The following ARHGAP15 variants were observed in gnomAD, a reference collection of about 807,000 sequenced individuals.
ARHGAP15 encodes Rho GTPase activating protein 15, also known as rho GTPase-activating protein 15.
In ARHGAP15, 51 loss-of-function variants were observed where a neutral mutation model predicts 63.7. That is an observed-to-expected ratio of 0.80 (90% confidence interval 0.64 to 1.01). The LOEUF is 1.01. ARHGAP15 is among the 50% of genes least tolerant of loss of function. The pLI is 0.00. For missense variants in ARHGAP15, 560 were observed against 564.6 expected (o/e 0.99, Z 0.08); for synonymous variants, 191 against 193.8 (o/e 0.99, Z 0.12).
chr2:143,735,133 C>T (rs774897912), intron 13 of ARHGAP15, among the ~76,000 whole-genome samples: 10 of 152,134 alleles, frequency 6.6e-5, no homozygotes, highest in East Asian at 5.8e-4. Flanking sequence ...TTGTTTTAAA[C>T]GTAATTTCTT....
At chr2:143,504,898 AC>A (rs1369495816) in intron 9 of ARHGAP15, among the ~76,000 whole-genome samples, 1 of 152,082 alleles carries the variant, frequency 6.6e-6, no homozygotes, top group African/African-American at 2.4e-5. Flanking sequence ...TCTGGATCCC[AC>A]TGAATTTCTA....
chr2:143,326,694 G>A (rs1684266716), intron 6 of ARHGAP15, among the ~76,000 whole-genome samples: 2 of 152,008 alleles, frequency 1.3e-5, no homozygotes, highest in African/African-American at 4.8e-5. Context: ...TCTACCCTGT[G>A]ATATTTAAAT....
At chr2:143,699,059 G>T (rs761151212) in intron 12 of ARHGAP15, among the ~76,000 whole-genome samples, 9 of 152,210 alleles carry the variant, frequency 5.9e-5, no homozygotes, top group Non-Finnish European at 8.8e-5. Context: ...ATGAATCTTA[G>T]CTCATTAACC....
chr2:143,381,072 G>A (rs1046117198), intron 6 of ARHGAP15, among the ~76,000 whole-genome samples: 5 of 152,116 alleles, frequency 3.3e-5, no homozygotes, highest in Non-Finnish European at 7.4e-5. Flanking sequence ...ATATTGTTTA[G>A]AGTCATTTGC....
chr2:143,389,854 G>A (rs1574378065), intron 6 of ARHGAP15, among the ~76,000 whole-genome samples: 1 of 151,994 alleles, frequency 6.6e-6, no homozygotes, highest in East Asian at 1.9e-4. Flanking sequence ...GTGTGTTTGG[G>A]CAAGTTTCCT....
At chr2:143,369,197 C>G (rs931808996) in intron 6 of ARHGAP15, among the ~76,000 whole-genome samples, 1 of 152,072 alleles carries the variant, frequency 6.6e-6, no homozygotes, top group Non-Finnish European at 1.5e-5. Flanking sequence ...TAACTATGTT[C>G]ATAGTATATT....
At chr2:143,663,933 A>G (rs1681992104) in intron 12 of ARHGAP15, among the ~76,000 whole-genome samples, 1 of 152,154 alleles carries the variant, frequency 6.6e-6, no homozygotes. Context: ...TGACCTACAA[A>G]GAGATTTAGA....
intron 6 of ARHGAP15, among the ~76,000 whole-genome samples, chr2:143,252,996 GT>G (rs1243270805): frequency 1.3e-5 from 2 of 152,176 alleles, no homozygotes; most frequent in Admixed American, 1.3e-4. Flanking sequence ...GAATAATGAA[GT>G]GTTTCTTCCT....
intron 3 of ARHGAP15, among the ~76,000 whole-genome samples, chr2:143,213,964 C>T (rs1190140920): frequency 1.3e-5 from 2 of 152,164 alleles, no homozygotes; most frequent in Admixed American, 1.3e-4. Context: ...GGAAATGTTA[C>T]TTATGTATTC....
intron 8 of ARHGAP15, 56 bp from the exon 9 acceptor site, chr2:143,487,317 G>C: frequency 6.4e-7 from 1 of 1,565,878 alleles, no homozygotes; most frequent in Non-Finnish European, 8.6e-7. Flanking sequence ...TTTGCATAAA[G>C]TAATAATCAT....
chr2:143,240,992 C>T (rs1693840759), intron 5 of ARHGAP15, among the ~76,000 whole-genome samples: 1 of 152,090 alleles, frequency 6.6e-6, no homozygotes, highest in Non-Finnish European at 1.5e-5. Context: ...CAATAAACCT[C>T]ACCTTAGGCT....
At chr2:143,724,673 G>A in intron 13 of ARHGAP15, among the ~76,000 whole-genome samples, 1 of 152,274 alleles carries the variant, frequency 6.6e-6, no homozygotes, top group East Asian at 1.9e-4. Flanking sequence ...TAGGTTTTTA[G>A]AGGAATATTT....
intron 11 of ARHGAP15, among the ~76,000 whole-genome samples, chr2:143,561,049 C>T (rs1318273359): frequency 6.6e-6 from 1 of 152,204 alleles, no homozygotes; most frequent in Non-Finnish European, 1.5e-5. Flanking sequence ...CTGTGACCTC[C>T]TTACACTTTT....
chr2:143,371,805 T>A (rs2104915672), intron 6 of ARHGAP15, among the ~76,000 whole-genome samples: 1 of 152,278 alleles, frequency 6.6e-6, no homozygotes, highest in Non-Finnish European at 1.5e-5. Flanking sequence ...ACATAAGACT[T>A]CATTGAGTTT....
At chr2:143,656,564 G>C (rs1681445449) in intron 12 of ARHGAP15, among the ~76,000 whole-genome samples, 1 of 152,186 alleles carries the variant, frequency 6.6e-6, no homozygotes. Flanking sequence ...TCTGGGTAAA[G>C]AAATGACTGT....
intron 13 of ARHGAP15, among the ~76,000 whole-genome samples, chr2:143,735,380 G>A (rs1057469554): frequency 2.0e-5 from 3 of 152,160 alleles, no homozygotes; most frequent in Admixed American, 6.6e-5. Context: ...AATTGCCAAA[G>A]GGTATTGCAT....
At chr2:143,755,201 G>A (rs1406361417) in intron 13 of ARHGAP15, among the ~76,000 whole-genome samples, 3 of 151,056 alleles carry the variant, frequency 2.0e-5, no homozygotes, top group Non-Finnish European at 4.4e-5. Context: ...TCTTGATGGG[G>A]AACTCATAGC....
At position 143,216,390 on chromosome 2, in the gene ARHGAP15, GA is replaced by G. The variant is rs752324766; in HGVS notation, c.246del (p.Glu83LysfsTer16). 1 of 1,610,446 alleles carries G rather than the reference GA, an allele frequency of 6.2e-7. No homozygotes were observed. Among genetic ancestry groups the G allele is most frequent in the East Asian group, 2.2e-5 (1 of 44,770 alleles). ...ATATGCATTCTTCTTGCAGATGGTTGAAAAAGAAGGTTATCTGCAAAAAGCT... is the reference window on the plus strand; with the variant it reads ...ATATGCATTCTTCTTGCAGATGGTTGAAAAGAAGGTTATCTGCAAAAAGCT... ...VIPPLEQLMVEKEGYLQKAKI... is the reference protein window; with the variant it reads ...VIPPLEQLMVXKEGYLQKAKI... On this transcript the variant is annotated frameshift_variant, in exon 4 of 14. Transcript: ENST00000295095. LOFTEE classifies it high-confidence loss of function.
chr2:143,563,124 C>T (rs1186174447), intron 11 of ARHGAP15, among the ~76,000 whole-genome samples: 2 of 152,098 alleles, frequency 1.3e-5, no homozygotes, highest in African/African-American at 4.8e-5. Flanking sequence ...ATTTGGAAGC[C>T]TAATAGAAAT....
Sources: gnomAD v4.1 joint callset for allele counts (sites outside exome capture counted in the v4.1 genomes callset) on GRCh38, gnomAD v4.1.1 for gene constraint, MANE v1.5 for transcripts, NCBI Gene and HGNC (gene_info 2026-07-23, HGNC 2026-07-21) for gene names.